Variants in CPQ observed in about 807,000 individuals in gnomAD.
CPQ encodes the protein Ser-Met dipeptidase.
In CPQ, 37 loss-of-function variants were observed where a neutral mutation model predicts 45.7. The ratio of observed to expected loss-of-function variants is 0.81; its 90% confidence interval spans 0.62 to 1.07. CPQ has a LOEUF of 1.07. CPQ is among the 50% of genes least tolerant of loss of function. CPQ has a pLI of 0.00. For missense variants in CPQ, 537 were observed against 572.9 expected (o/e 0.94, Z 0.64); for synonymous variants, 186 against 205.8 (o/e 0.90, Z 0.82).
chr8:96,996,501 G>T (rs928634226), intron 5 of CPQ, among the ~76,000 whole-genome samples: 2 of 151,956 alleles, frequency 1.3e-5, no homozygotes, highest in Non-Finnish European at 2.9e-5. Context: ...ATTTTCACAG[G>T]TTGTTACCTG....
chr8:96,990,944 T>C (rs1449635089), intron 5 of CPQ, among the ~76,000 whole-genome samples: 2 of 152,144 alleles, frequency 1.3e-5, no homozygotes, highest in Non-Finnish European at 1.5e-5. Context: ...ATTTAAACCC[T>C]TCCTGAAACA....
intron 7 of CPQ, among the ~76,000 whole-genome samples, chr8:97,099,687 T>C (rs1030610209): frequency 6.6e-6 from 1 of 152,126 alleles, no homozygotes; most frequent in African/African-American, 2.4e-5. Flanking sequence ...AGCACAATAA[T>C]TCAAAACCTC....
intron 7 of CPQ, among the ~76,000 whole-genome samples, chr8:97,140,449 T>C (rs1812140173): frequency 6.6e-6 from 1 of 151,820 alleles, no homozygotes; most frequent in South Asian, 2.1e-4. Flanking sequence ...AAAATGTAGG[T>C]TTTTCAAAAT....
intron 1 of CPQ, among the ~76,000 whole-genome samples, chr8:96,749,218 T>A (rs1191761366): frequency 6.6e-6 from 1 of 152,216 alleles, no homozygotes; most frequent in Non-Finnish European, 1.5e-5. Context: ...CTTACCTTTA[T>A]TCTGTAGGAC....
chr8:97,014,746 A>C (rs1809550928), intron 5 of CPQ, among the ~76,000 whole-genome samples: 1 of 152,148 alleles, frequency 6.6e-6, no homozygotes, highest in Non-Finnish European at 1.5e-5. Flanking sequence ...ATTACTGGTC[A>C]AAAACAATAT....
intron 4 of CPQ, among the ~76,000 whole-genome samples, chr8:96,943,776 T>C (rs1368742843): frequency 1.3e-5 from 2 of 152,170 alleles, no homozygotes; most frequent in African/African-American, 4.8e-5. Flanking sequence ...TTTTCAAAAA[T>C]GTGTCTAGGT....
At chr8:97,088,449 G>T (rs1811074951) in intron 7 of CPQ, among the ~76,000 whole-genome samples, 1 of 152,132 alleles carries the variant, frequency 6.6e-6, no homozygotes, top group Non-Finnish European at 1.5e-5. Context: ...TTTCTAAAAA[G>T]AAATTTTACA....
intron 1 of CPQ, among the ~76,000 whole-genome samples, chr8:96,681,238 G>A (rs1426058570): frequency 6.6e-6 from 1 of 152,220 alleles, no homozygotes; most frequent in Non-Finnish European, 1.5e-5. Flanking sequence ...CTTCATGGTA[G>A]CCCCTCCCAT....
At chr8:97,129,902 G>T (rs1211618546) in intron 7 of CPQ, among the ~76,000 whole-genome samples, 1 of 152,140 alleles carries the variant, frequency 6.6e-6, no homozygotes, top group Non-Finnish European at 1.5e-5. Flanking sequence ...GAGCTCAGTA[G>T]ATATAAGATG....
intron 4 of CPQ, among the ~76,000 whole-genome samples, chr8:96,890,177 T>C (rs955346970): frequency 6.6e-5 from 10 of 152,206 alleles, no homozygotes; most frequent in African/African-American, 2.4e-4. Flanking sequence ...TAAATACTGA[T>C]ATGAAGTCAA....
intron 7 of CPQ, among the ~76,000 whole-genome samples, chr8:97,094,166 A>G (rs1017434951): frequency 2.6e-5 from 4 of 152,160 alleles, no homozygotes; most frequent in East Asian, 1.9e-4. Context: ...TGATTCTCCA[A>G]CGACTAAGAT....
At chr8:96,696,273 A>G (rs1171233573) in intron 1 of CPQ, among the ~76,000 whole-genome samples, 1 of 149,116 alleles carries the variant, frequency 6.7e-6, no homozygotes, top group Non-Finnish European at 1.5e-5. Context: ...GGGGAACATC[A>G]CACTCTGGGG....
chr8:96,862,284 TTGTGTGTGTGTGTG>T (rs34611818), intron 3 of CPQ, among the ~76,000 whole-genome samples: 10 of 141,192 alleles, frequency 7.1e-5, no homozygotes, highest in African/African-American at 5.3e-5. Context: ...ATTTTTGCAT[TTGTGTGTGTGTGTG>T]TGTGTGTGTG....
rs1459668617 is a variant in CPQ, at chr8:97,112,594, T to G, written c.1256-30426T>G. Among the ~76,000 whole-genome samples the G allele has an allele frequency of 4.6e-5, 7 of 152,288 alleles. No individual in the cohort carries two copies. The East Asian group carries it at 1.4e-3, about 29-fold the overall frequency. ...CCCATCACAGGCCTTTCTTGTACGTTCTAAGAAAGAGTAGGGACTTATAGC... is the reference window on the plus strand; with the variant it reads ...CCCATCACAGGCCTTTCTTGTACGTGCTAAGAAAGAGTAGGGACTTATAGC... On this transcript the variant is annotated intron_variant, in intron 7 of 7. Coordinates refer to ENST00000220763, the MANE Select transcript of CPQ (RefSeq NM_016134.4).
At chr8:96,751,820 T>C (rs1320673193) in intron 1 of CPQ, among the ~76,000 whole-genome samples, 1 of 152,174 alleles carries the variant, frequency 6.6e-6, no homozygotes, top group Non-Finnish European at 1.5e-5. Flanking sequence ...TTGTATAAGG[T>C]ATAAGTAAGG....
intron 5 of CPQ, among the ~76,000 whole-genome samples, chr8:96,980,345 C>G (rs1321369935): frequency 6.6e-6 from 1 of 152,160 alleles, no homozygotes; most frequent in Non-Finnish European, 1.5e-5. Context: ...GTTGGCCAGG[C>G]TGGTCTCAAA....
At chr8:97,008,371 T>C (rs565244855) in intron 5 of CPQ, among the ~76,000 whole-genome samples, 1 of 152,374 alleles carries the variant, frequency 6.6e-6, no homozygotes, top group East Asian at 1.9e-4. Context: ...TGTCTGTTTA[T>C]ACAAATGTGA....
rs544228030 is a variant in CPQ at position 97,073,143 on chromosome 8, C to A, written c.1255+6933C>A. 4.6e-5 allele frequency among the ~76,000 whole-genome samples: 7 copies of A among 152,312 alleles called. No individual in the cohort carries two copies. The East Asian group carries it at 5.8e-4, about 13-fold the overall frequency. On this transcript the variant is annotated intron_variant, in intron 7 of 7. Coordinates refer to ENST00000220763, the MANE Select transcript of CPQ (RefSeq NM_016134.4). Reference sequence around the variant, plus strand: ...CATCTTTTCTATAATAGTTCAGACTCCACGTTGAAGTACCAAATACACAGA... The same window carrying A: ...CATCTTTTCTATAATAGTTCAGACTACACGTTGAAGTACCAAATACACAGA...
At chr8:97,099,784 G>A (rs2513364) in intron 7 of CPQ, among the ~76,000 whole-genome samples, 83,285 of 151,946 alleles carry the variant, frequency 0.55, 23,615 homozygotes, top group Non-Finnish European at 0.63. Flanking sequence ...GCATACACAG[G>A]AAACCAATCT....
Sources: gnomAD v4.1 joint callset for allele counts (sites outside exome capture counted in the v4.1 genomes callset) on GRCh38, gnomAD v4.1.1 for gene constraint, MANE v1.5 for transcripts, NCBI Gene and HGNC (gene_info 2026-07-23, HGNC 2026-07-21) for gene names.